LTBR: variants seen among roughly 807,000 people sequenced by gnomAD.
LTBR encodes the protein tumor necrosis factor receptor superfamily member 3.
Under a neutral mutation model 45.4 loss-of-function variants are expected in LTBR, and 15 were observed. The ratio of observed to expected loss-of-function variants is 0.33; its 90% CI spans 0.22 to 0.51. LTBR has a LOEUF of 0.51. Among genes scored for constraint, LTBR ranks in the 20% least tolerant of loss-of-function variants. LTBR has a pLI of 0.97. For synonymous variants in LTBR, 228 were observed against 231.0 expected (o/e 0.99, Z 0.12); for missense variants, 450 against 565.5 (o/e 0.80, Z 2.07).
At chr12:6,389,823 G>A in intron 8 of LTBR, 3 of 234,970 alleles carry the variant, frequency 1.3e-5, no homozygotes, top group Admixed American at 5.3e-5. Flanking sequence ...AAAAAAAAAA[G>A]TTAGCCAGAC....
chr12:6,377,267 G>A, intron 1 of LTBR: 1 of 1,550,828 alleles, frequency 6.4e-7, no homozygotes, highest in Non-Finnish European at 8.7e-7. Context: ...TACTGCTCAT[G>A]ATACCTCCCC....
intron 8 of LTBR, 84 bp from the exon 9 acceptor site, chr12:6,390,026 AAG>A: frequency 1.2e-6 from 1 of 814,690 alleles, no homozygotes; most frequent in South Asian, 1.5e-5. Flanking sequence ...AAGAAAGAGA[AAG>A]AGAGAAAGAA....
upstream of LTBR, among the ~76,000 whole-genome samples, chr12:6,383,168 C>T (rs1949001495): frequency 6.6e-6 from 1 of 152,120 alleles, no homozygotes; most frequent in African/African-American, 2.4e-5. Flanking sequence ...CAGAGGTTGC[C>T]TTCCAGAGCC....
chr12:6,384,908 C>A, intron 2 of LTBR, 114 bp from the exon 3 acceptor site: 1 of 1,413,958 alleles, frequency 7.1e-7, no homozygotes, highest in Non-Finnish European at 9.8e-7. Flanking sequence ...GGGCCACTGG[C>A]AGGATGATGG....
intron 1 of LTBR, chr12:6,377,527 A>T: frequency 1.4e-6 from 1 of 739,356 alleles, no homozygotes. Flanking sequence ...TCACTCCCAC[A>T]CAGAGCCCGT....
intron 8 of LTBR, chr12:6,389,856 G>T: frequency 4.7e-6 from 2 of 425,388 alleles, no homozygotes; most frequent in African/African-American, 2.0e-5. Flanking sequence ...TCAGGAGGCT[G>T]AGGCTAGAGG....
At chr12:6,375,559 G>A (rs1229867459) in exon 1 of LTBR, 6 of 1,533,864 alleles carry the variant, frequency 3.9e-6, no homozygotes, top group Admixed American at 2.0e-5. Flanking sequence ...GCCAGGGATG[G>A]AAGCGACAGG....
intron 8 of LTBR, chr12:6,389,155 G>A: frequency 3.8e-6 from 1 of 262,342 alleles, no homozygotes; most frequent in Non-Finnish European, 7.5e-6. Flanking sequence ...ACAGAGTGGA[G>A]AGTGAAGGCC....
At chr12:6,384,031 G>A (rs1252732064), upstream of LTBR, 2 of 1,181,850 alleles carry the variant, frequency 1.7e-6, no homozygotes, top group African/African-American at 1.6e-5. Context: ...CGGCCCTCAC[G>A]TGCTTTCCCG....
chr12:6,386,221 C>G lies in LTBR; in HGVS notation c.569+59C>G, dbSNP rs961427558. The G allele has an allele frequency of 1.3e-6, 2 of 1,510,986 alleles. No homozygotes were observed. Among genetic ancestry groups the G allele is most frequent in the Admixed American group, 3.4e-5 (2 of 59,536 alleles). The allele number at this position is 1,510,986 out of a possible 1,614,324, so 93.6% of individuals were successfully genotyped here. A position where few individuals can be genotyped will look rare whatever the true frequency, so the allele number is the denominator to read the frequency against. On this transcript the variant is annotated intron_variant, in intron 5 of 9. Coordinates refer to ENST00000228918, the MANE Select transcript of LTBR (RefSeq NM_002342.3). This position sits in a 1 kb window ranked among gnomAD's most constrained non-coding sequence, Gnocchi z 4.1. ...TCTGAGAAGCCTCAGCTGCTAACAA[C>G]CCCCAGCGCCTATCCTTGACACCAC...
intron 4 of LTBR, 153 bp downstream of exon 4, chr12:6,385,532 G>C: frequency 1.1e-6 from 1 of 903,816 alleles, no homozygotes; most frequent in Non-Finnish European, 1.6e-6. Context: ...TCACAGAAGG[G>C]TTCTGGAGGG....
At chr12:6,390,451 C>T (rs1949100327) in intron 9 of LTBR, 111 bp downstream of exon 9, 3 of 1,035,700 alleles carry the variant, frequency 2.9e-6, no homozygotes, top group Non-Finnish European at 4.2e-6. Context: ...CAGACAGAGA[C>T]TCCGCTGCCA....
chr12:6,390,882 G>A lies in LTBR; in HGVS notation c.1253G>A (p.Cys418Tyr), dbSNP rs1483105616. Reference protein sequence around the residue: ...KAWHLAETEHCGATPSNRGPR... With the variant: ...KAWHLAETEHYGATPSNRGPR... ...TGGCACCTAGCGGAGACAGAGCACT[G>A]TGGTGCCACACCCTCTAACAGGGGC... The change falls in exon 10 of 10, where the codon TGT becomes TAT. Residue 418 changes from cysteine to tyrosine, a missense_variant. By Grantham distance (194) the Cys-to-Tyr change is radical. This residue lies in a region of LTBR where 71 missense variants were observed against 90.4 expected (regional missense o/e 0.79). Coordinates refer to ENST00000228918, the MANE Select transcript of LTBR (RefSeq NM_002342.3). 1 of 1,603,898 alleles carries A rather than the reference G, an allele frequency of 6.2e-7. No individual in the cohort carries two copies. The highest frequency in any genetic ancestry group is 1.1e-5 in the South Asian group (1 of 88,408).
chr12:6,381,380 C>A (rs1391381757), upstream of LTBR, among the ~76,000 whole-genome samples: 2 of 152,210 alleles, frequency 1.3e-5, no homozygotes, highest in African/African-American at 4.8e-5. Context: ...AATAGCCTGG[C>A]TGCTTCACTC....
upstream of LTBR, among the ~76,000 whole-genome samples, chr12:6,382,854 A>T (rs879357597): frequency 5.3e-5 from 8 of 152,186 alleles, no homozygotes; most frequent in Non-Finnish European, 1.0e-4. Context: ...TTAGCCCCTC[A>T]TCCCAAGGGA....
At chr12:6,376,777 G>A (rs561593874) in intron 1 of LTBR, among the ~76,000 whole-genome samples, 2 of 152,170 alleles carry the variant, frequency 1.3e-5, no homozygotes, top group East Asian at 1.9e-4. Flanking sequence ...GCTTCCTCAC[G>A]GGCCCCACAG....
At position 6,391,106 on chromosome 12, in the gene LTBR, G is replaced by A; in HGVS notation, c.*169G>A. The A allele has an allele frequency of 1.5e-6, 1 of 650,492 alleles. No homozygotes were observed. The highest frequency in any genetic ancestry group is 2.4e-6 in the Non-Finnish European group (1 of 424,288). The allele number at this position is 650,492 out of a possible 1,614,324, so 40.3% of individuals were successfully genotyped here. On this transcript the variant is annotated 3_prime_UTR_variant, in exon 10 of 10. Transcript: ENST00000228918. ...AGCAGGTGGGCACTGGCTGGGTACGGTGCCCTCCACAGGACTCTCCCTACT... is the reference window on the plus strand; with the variant it reads ...AGCAGGTGGGCACTGGCTGGGTACGATGCCCTCCACAGGACTCTCCCTACT...
Position 6,384,394 on chromosome 12 carries a change from G to A in LTBR, c.36G>A (p.Leu12=), listed in dbSNP as rs917383469. The stretch of plus-strand genomic sequence containing the variant: ...CTTGGGCCACCTCTGCCCCCGGCCT[G>A]GCCTGGGGGCCTCTGGTGCTGGGCC... ...LLPWATSAPG[L]AWGPLVLGLF... is the part of the protein sequence containing the mutation. The change falls in exon 1 of 10, where the codon CTG becomes CTA. Residue 12 remains leucine, a synonymous_variant. Transcript: ENST00000228918. 1.3e-6 allele frequency: 2 copies of A among 1,539,458 alleles called. No individual in the cohort carries two copies. The highest frequency in any genetic ancestry group is 1.8e-4 in the Middle Eastern group (1 of 5,508).
At chr12:6,375,312 C>T (rs1472521376), upstream of LTBR, 12 of 1,438,178 alleles carry the variant, frequency 8.3e-6, no homozygotes, top group Middle Eastern at 2.5e-4. Context: ...TGCCTTGCCC[C>T]CTCTCACTCT....
Sources: gnomAD v4.1 joint callset for allele counts (sites outside exome capture counted in the v4.1 genomes callset) on GRCh38, gnomAD v4.1.1 for gene constraint, gnomAD v4.1.1 regional missense constraint, Gnocchi (gnomAD v3.1) non-coding constraint, MANE v1.5 for transcripts, NCBI Gene and HGNC (gene_info 2026-07-23, HGNC 2026-07-21) for gene names.